The following RIC1 variants were observed in gnomAD, a reference collection of about 807,000 sequenced individuals.
The protein encoded by RIC1 is RIC1 partner of RAB6A GEF complex.
RIC1 carries 88 observed loss-of-function variants against 169.0 expected under a neutral mutation model. The ratio of observed to expected loss-of-function variants is 0.52; its 90% CI spans 0.44 to 0.62. The LOEUF is 0.62. Among genes scored for constraint, RIC1 ranks in the 20% least tolerant of loss-of-function variants. The pLI, the probability that RIC1 is intolerant of heterozygous loss-of-function variation, is 0.00. For synonymous variants in RIC1, 790 were observed against 601.5 expected (o/e 1.31, Z -4.59); for missense variants, 1,877 against 1,725.5 (o/e 1.09, Z -1.56).
At chr9:5,759,134 T>G (rs559282785) in intron 17 of RIC1, among the ~76,000 whole-genome samples, 69 of 152,310 alleles carry the variant, frequency 4.5e-4, no homozygotes, top group Non-Finnish European at 8.1e-4. Context: ...AACCAGTTAG[T>G]CCTAATTGAT....
chr9:5,658,423 A>G (rs1819241845), intron 2 of RIC1, among the ~76,000 whole-genome samples: 2 of 152,130 alleles, frequency 1.3e-5, no homozygotes, highest in South Asian at 2.1e-4. Context: ...GTGCAGTAAA[A>G]GTAAGTTTGC....
chr9:5,654,437 C>T (rs756251673), intron 1 of RIC1, among the ~76,000 whole-genome samples: 10 of 152,026 alleles, frequency 6.6e-5, no homozygotes, highest in East Asian at 1.9e-4. Context: ...TTAGTAGAGA[C>T]GGGGTTTCAC....
chr9:5,716,538 G>A (rs987068340), intron 4 of RIC1, among the ~76,000 whole-genome samples: 7 of 152,300 alleles, frequency 4.6e-5, no homozygotes, highest in Admixed American at 2.0e-4. Context: ...GCTTGAACCC[G>A]GGAGGCAGAG....
At chr9:5,759,673 A>G (rs963426465) in intron 17 of RIC1, among the ~76,000 whole-genome samples, 1 of 152,230 alleles carries the variant, frequency 6.6e-6, no homozygotes, top group Non-Finnish European at 1.5e-5. Flanking sequence ...TGATACTAGC[A>G]TTGTAGCTAT....
rs1033554094 is a variant in RIC1 at position 5,753,561 on chromosome 9, A to G, written c.1517A>G (p.Gln506Arg). ...IRFSAIDKLG[Q>R]NIAVVGKFGF... ...TTTTCAGCTATTGATAAGCTTGGACAGAATATTGCTGTGGTTGGCAAGTTT... is the reference window on the plus strand; with the variant it reads ...TTTTCAGCTATTGATAAGCTTGGACGGAATATTGCTGTGGTTGGCAAGTTT... Residue 506 changes from glutamine (Q) to arginine (R), a missense_variant, in exon 14 of 26, where the codon CAG (glutamine) becomes CGG (arginine). By Grantham distance (43) the Gln-to-Arg change is conservative. Transcript: ENST00000414202. 3.1e-6 allele frequency: 5 copies of G among 1,608,298 alleles called. No homozygotes were observed. The African/African-American group carries it at 4.0e-5, about 13-fold the overall frequency.
rs544596854 is a variant in RIC1 at position 5,655,051 on chromosome 9, T to A, written c.145-1532T>A. Among the ~76,000 whole-genome samples, 71 of 152,292 alleles carry A rather than the reference T, an allele frequency of 4.7e-4. 1 individual carries two copies. The highest frequency in any genetic ancestry group is 4.6e-3 in the Admixed American group (71 of 15,292). ...AGTAAAGACAGTTTTATTTATTCCT[T>A]CCCAATCTCTTTACCTTTTATTCCT... On this transcript the variant is annotated intron_variant, in intron 1 of 25. Transcript: ENST00000414202.
At chr9:5,639,562 C>G (rs754525159) in intron 1 of RIC1, among the ~76,000 whole-genome samples, 5 of 152,110 alleles carry the variant, frequency 3.3e-5, no homozygotes, top group African/African-American at 7.2e-5. Context: ...GTGTTCTGCA[C>G]CCTTTGGATG....
chr9:5,711,192 G>T (rs1281243737), intron 3 of RIC1, among the ~76,000 whole-genome samples: 2 of 152,072 alleles, frequency 1.3e-5, no homozygotes, highest in African/African-American at 4.8e-5. Flanking sequence ...GCTAGTCTGT[G>T]AATAGGAATG....
At chr9:5,753,919 C>T (rs545757830) in intron 14 of RIC1, among the ~76,000 whole-genome samples, 1 of 152,108 alleles carries the variant, frequency 6.6e-6, no homozygotes, top group Admixed American at 6.5e-5. Flanking sequence ...TTTATTCTTA[C>T]ATTCCAGCTT....
In RIC1 at chr9:5,671,384, C is replaced by T. The variant is rs370226627; in HGVS notation, c.252+14694C>T. Among the ~76,000 whole-genome samples the T allele has an allele frequency of 4.3e-4, 65 of 151,856 alleles. No homozygotes were observed. The East Asian group carries it at 0.012, about 29-fold the overall frequency. On this transcript the variant is annotated intron_variant, in intron 2 of 25. Coordinates refer to ENST00000414202, the MANE Select transcript of RIC1 (RefSeq NM_020829.4). ...CCGCCTCCCAGGTTCAAGCAGTTCTCCCTGCCTTACCCTCCCAAGTAGTTG... is the reference window on the plus strand; with the variant it reads ...CCGCCTCCCAGGTTCAAGCAGTTCTTCCTGCCTTACCCTCCCAAGTAGTTG...
At chr9:5,712,816 A>G (rs1042377082) in intron 3 of RIC1, 1 of 152,236 alleles carries the variant, frequency 6.6e-6, no homozygotes, top group Non-Finnish European at 1.5e-5. Context: ...TCAGTCAGAC[A>G]TGTTAGTTGA....
At chr9:5,645,949 G>GT (rs34638495) in intron 1 of RIC1, among the ~76,000 whole-genome samples, 65,055 of 140,084 alleles carry the variant, frequency 0.46, 15,028 homozygotes, top group East Asian at 0.59. Flanking sequence ...TATTCTATAG[G>GT]TTTTTTTTTT....
intron 1 of RIC1, among the ~76,000 whole-genome samples, chr9:5,649,741 T>G (rs539221493): frequency 1.5e-3 from 69 of 45,118 alleles, no homozygotes; most frequent in South Asian, 0.012. Flanking sequence ...AATTTCTTGT[T>G]TTTTTTTTTT....
intron 25 of RIC1, 41 bp downstream of exon 25, chr9:5,773,121 T>G: frequency 7.3e-7 from 1 of 1,373,902 alleles, no homozygotes; most frequent in East Asian, 2.4e-5. Context: ...CTTCCATGTC[T>G]TTTGGTGAAT....
At chr9:5,747,024 C>G (rs1379069340) in intron 11 of RIC1, among the ~76,000 whole-genome samples, 2 of 152,082 alleles carry the variant, frequency 1.3e-5, no homozygotes. Flanking sequence ...TAGGGTGCTA[C>G]TTTGTCTGAT....
At chr9:5,648,129 C>T (rs1586876611) in intron 1 of RIC1, among the ~76,000 whole-genome samples, 6 of 151,990 alleles carry the variant, frequency 3.9e-5, no homozygotes, top group Admixed American at 3.9e-4. Flanking sequence ...ATTACAGGCG[C>T]CCGCCACCAT....
At chr9:5,636,221 C>T (rs1817964412) in intron 1 of RIC1, among the ~76,000 whole-genome samples, 1 of 152,172 alleles carries the variant, frequency 6.6e-6, no homozygotes, top group African/African-American at 2.4e-5. Flanking sequence ...GTACCTTCTT[C>T]AGTTTATTTC....
At chr9:5,687,861 G>C (rs1170494574) in intron 2 of RIC1, among the ~76,000 whole-genome samples, 2 of 151,854 alleles carry the variant, frequency 1.3e-5, no homozygotes, top group Non-Finnish European at 2.9e-5. Context: ...ATGTATATTG[G>C]GCTACATGAA....
Position 5,720,335 on chromosome 9 carries a change from T to C in RIC1, c.583+11T>C. 6.2e-7 allele frequency: 1 copy of C among 1,607,118 alleles called. No homozygotes were observed. The highest frequency in any genetic ancestry group is 1.3e-5 in the African/African-American group (1 of 74,716). On this transcript the variant is annotated intron_variant, in intron 5 of 25. Coordinates refer to ENST00000414202, the MANE Select transcript of RIC1 (RefSeq NM_020829.4). ...TGCAGTCATCTAGAGGTAGCTATAC[T>C]TTCTACATGAGGTTGAACCAGTTGT...
Sources: allele counts gnomAD v4.1 joint callset (sites outside exome capture counted in the v4.1 genomes callset), GRCh38; gene constraint gnomAD v4.1.1; transcripts MANE v1.5; gene names NCBI Gene and HGNC (gene_info 2026-07-23, HGNC 2026-07-21).